Variants in GNAL observed in about 807,000 individuals in gnomAD.
GNAL encodes guanine nucleotide-binding protein G(olf) subunit alpha.
A neutral mutation model predicts 55.1 loss-of-function variants in GNAL; 18 were observed. That is an observed-to-expected ratio of 0.33 (90% CI 0.23 to 0.48). GNAL has a LOEUF of 0.48. Ranked by LOEUF, GNAL falls within the 20% of genes least tolerant of loss-of-function variation. The pLI is 0.99. For missense variants in GNAL, 412 were observed against 614.1 expected, an observed-to-expected ratio of 0.67 and a Z score of 3.48; for synonymous variants, 253 against 237.0, an observed-to-expected ratio of 1.07 and a Z score of -0.62.
intron 1 of GNAL, among the ~76,000 whole-genome samples, chr18:11,696,730 ACT>A (rs1301963524): frequency 6.6e-6 from 1 of 152,234 alleles, no homozygotes; most frequent in South Asian, 2.1e-4. Flanking sequence ...AGTTCAGAAC[ACT>A]CTGTCAAAAA....
At chr18:11,736,946 A>G (rs1346472298) in intron 1 of GNAL, among the ~76,000 whole-genome samples, 1 of 152,260 alleles carries the variant, frequency 6.6e-6, no homozygotes, top group Non-Finnish European at 1.5e-5. Flanking sequence ...AAAATGTGTA[A>G]ATACGAATAT....
chr18:11,696,465 A>G (rs576023104), intron 1 of GNAL, among the ~76,000 whole-genome samples: 1 of 151,230 alleles, frequency 6.6e-6, no homozygotes, highest in African/African-American at 2.4e-5. Context: ...AGATCATGCC[A>G]CTGCACTTAA....
intron 5 of GNAL, among the ~76,000 whole-genome samples, chr18:11,861,423 G>A (rs35308499): frequency 0.52 from 79,657 of 152,092 alleles, 21,864 homozygotes; most frequent in Non-Finnish European, 0.62. Context: ...GGGGACAGAG[G>A]ACACTGGTTC....
intron 5 of GNAL, among the ~76,000 whole-genome samples, 171 bp from the exon 6 acceptor site, chr18:11,862,224 G>A (rs185422633): frequency 6.6e-6 from 1 of 152,180 alleles, no homozygotes; most frequent in East Asian, 1.9e-4. Flanking sequence ...GGTCAAGAAT[G>A]TTGCATTATC....
intron 1 of GNAL, among the ~76,000 whole-genome samples, chr18:11,702,976 G>C (rs1019148529): frequency 1.6e-4 from 25 of 152,204 alleles, no homozygotes; most frequent in African/African-American, 5.1e-4. Context: ...AAATTAGATG[G>C]GCATGGTGGC....
At chr18:11,707,324 T>G (rs1323162513) in intron 1 of GNAL, among the ~76,000 whole-genome samples, 1 of 152,250 alleles carries the variant, frequency 6.6e-6, no homozygotes, top group Non-Finnish European at 1.5e-5. Flanking sequence ...GGATGTTATG[T>G]TAACAGGCAT....
chr18:11,800,769 A>G (rs2034502799), intron 4 of GNAL, among the ~76,000 whole-genome samples: 1 of 152,234 alleles, frequency 6.6e-6, no homozygotes, highest in South Asian at 2.1e-4. Context: ...TAGGAAGGAA[A>G]GCCACTTAAC....
At chr18:11,736,126 G>A (rs73944249) in intron 1 of GNAL, among the ~76,000 whole-genome samples, 2,370 of 152,266 alleles carry the variant, frequency 0.016, 59 homozygotes, top group African/African-American at 0.054. Flanking sequence ...GCTGGGCATG[G>A]TGGTTCACAT....
At chr18:11,801,819 C>T (rs1393524126) in intron 4 of GNAL, among the ~76,000 whole-genome samples, 1 of 151,998 alleles carries the variant, frequency 6.6e-6, no homozygotes, top group Non-Finnish European at 1.5e-5. Flanking sequence ...CCTGCCTTCC[C>T]CTGTGGTCTG....
intron 1 of GNAL, among the ~76,000 whole-genome samples, chr18:11,698,488 C>G (rs2031475802): frequency 1.1e-5 from 1 of 91,144 alleles, no homozygotes; most frequent in African/African-American, 1.1e-4. Flanking sequence ...AAGACTCTGT[C>G]TCAAAAAAAA....
At chr18:11,799,799 G>A (rs2034476320) in intron 4 of GNAL, among the ~76,000 whole-genome samples, 1 of 151,992 alleles carries the variant, frequency 6.6e-6, no homozygotes, top group Non-Finnish European at 1.5e-5. Context: ...TTCAGCAGTG[G>A]ACTGACAATG....
intron 5 of GNAL, among the ~76,000 whole-genome samples, chr18:11,856,329 A>T (rs2036007553): frequency 6.6e-6 from 1 of 151,366 alleles, no homozygotes; most frequent in African/African-American, 2.5e-5. Context: ...TGTCTGTCAT[A>T]GTGTCAGTCT....
chr18:11,784,704 T>C (rs2034010519), intron 4 of GNAL, among the ~76,000 whole-genome samples: 1 of 152,176 alleles, frequency 6.6e-6, no homozygotes, highest in Non-Finnish European at 1.5e-5. Context: ...AGGAATGTAT[T>C]ATGAATCTGA....
chr18:11,857,812 C>T (rs139939610), intron 5 of GNAL: 35 of 820,514 alleles, frequency 4.3e-5, no homozygotes, highest in East Asian at 3.7e-4. Flanking sequence ...TCCACCAGTA[C>T]GAACTCCTGG....
intron 1 of GNAL, among the ~76,000 whole-genome samples, chr18:11,690,771 C>A (rs1282510330): frequency 6.6e-6 from 1 of 151,720 alleles, no homozygotes; most frequent in Non-Finnish European, 1.5e-5. Context: ...CATCCATGTC[C>A]CTACAAAGGA....
chr18:11,743,980 G>A (rs556318170), intron 1 of GNAL, among the ~76,000 whole-genome samples: 1 of 152,194 alleles, frequency 6.6e-6, no homozygotes, highest in African/African-American at 2.4e-5. Context: ...TCTATTTGCA[G>A]GTTCCTCTTG....
intron 4 of GNAL, among the ~76,000 whole-genome samples, chr18:11,759,417 G>C (rs2033166561): frequency 1.3e-5 from 2 of 152,262 alleles, no homozygotes; most frequent in Admixed American, 6.5e-5. Flanking sequence ...AGTCTGATCT[G>C]TTGGTCAGTA....
At chr18:11,731,393 C>A (rs1415671556) in intron 1 of GNAL, among the ~76,000 whole-genome samples, 2 of 152,238 alleles carry the variant, frequency 1.3e-5, no homozygotes, top group African/African-American at 4.8e-5. Context: ...AGGTGATCCA[C>A]CCGCCTTGGC....
At chr18:11,727,044 C>T (rs369010896) in intron 1 of GNAL, among the ~76,000 whole-genome samples, 42 of 152,118 alleles carry the variant, frequency 2.8e-4, no homozygotes, top group Admixed American at 1.1e-3. Flanking sequence ...CCTCTGTGTG[C>T]GTCCTCCACA....
Sources: gnomAD v4.1 joint callset for allele counts (sites outside exome capture counted in the v4.1 genomes callset) on GRCh38, gnomAD v4.1.1 for gene constraint, MANE v1.5 for transcripts, NCBI Gene and HGNC (gene_info 2026-07-23, HGNC 2026-07-21) for gene names.